PLEKHA1: variants seen among roughly 807,000 people sequenced by gnomAD.
PLEKHA1 encodes pleckstrin homology domain-containing family A member 1.
A neutral mutation model predicts 52.0 loss-of-function variants in PLEKHA1; 34 were observed. That is an observed-to-expected ratio of 0.65 (90% confidence interval 0.50 to 0.87). The LOEUF (loss-of-function observed/expected upper bound fraction) is 0.87. Ranked by LOEUF, PLEKHA1 falls within the 40% of genes least tolerant of loss-of-function variation. PLEKHA1 has a pLI of 0.00. For synonymous variants in PLEKHA1, 163 were observed against 170.7 expected (o/e 0.95, Z 0.35); for missense variants, 497 against 504.2 (o/e 0.99, Z 0.14).
At chr10:122,407,045 C>T (rs992807424) in intron 5 of PLEKHA1, among the ~76,000 whole-genome samples, 1 of 152,128 alleles carries the variant, frequency 6.6e-6, no homozygotes, top group Non-Finnish European at 1.5e-5. Context: ...AGGCACTTCT[C>T]TCTTCTAAGC....
At chr10:122,379,056 A>G (rs2096578448) in intron 1 of PLEKHA1, among the ~76,000 whole-genome samples, 1 of 152,198 alleles carries the variant, frequency 6.6e-6, no homozygotes, top group Non-Finnish European at 1.5e-5. Context: ...CAGTCTACTA[A>G]TAGGCAACCA....
downstream of PLEKHA1, chr10:122,433,695 A>G (rs2097428371): frequency 6.6e-6 from 1 of 152,162 alleles, no homozygotes; most frequent in African/African-American, 2.4e-5. Context: ...GCTGCTACAA[A>G]TGGATGGAAT....
rs1389808537 is a variant in PLEKHA1 at position 122,429,677 on chromosome 10, A to G, written c.954A>G (p.Ala318=). Residue 318 remains alanine, a synonymous_variant, in exon 12 of 12, where the codon GCA becomes GCG. Coordinates refer to ENST00000368990, the MANE Select transcript of PLEKHA1 (RefSeq NM_001001974.4). ...AACACGCTTTCCGTCCTACCAACGC[A>G]GCCACCGCCACCTCACATTCCACAG... The part of the protein sequence containing the change: ...ESKHAFRPTN[A]ATATSHSTAS... The G allele has an allele frequency of 1.2e-6, 2 of 1,614,088 alleles. No homozygotes were observed. Among genetic ancestry groups the G allele is most frequent in the Admixed American group, 1.7e-5 (1 of 60,012 alleles).
intron 1 of PLEKHA1, among the ~76,000 whole-genome samples, chr10:122,384,435 C>T (rs947706884): frequency 4.6e-5 from 7 of 151,414 alleles, no homozygotes; most frequent in Non-Finnish European, 7.4e-5. Flanking sequence ...GGTGAAACCC[C>T]GTCTCTACTA....
chr10:122,433,962 T>C (rs2097429211), downstream of PLEKHA1: 3 of 152,262 alleles, frequency 2.0e-5, no homozygotes, highest in South Asian at 6.2e-4. Flanking sequence ...TTCTGAAATA[T>C]TATTTTCTTA....
chr10:122,392,664 T>A (rs1472051900), intron 1 of PLEKHA1, among the ~76,000 whole-genome samples: 1 of 152,184 alleles, frequency 6.6e-6, no homozygotes, highest in Non-Finnish European at 1.5e-5. Context: ...TTCCCCTGTG[T>A]ATTAAGTTCC....
chr10:122,403,497 C>T (rs537241625), intron 4 of PLEKHA1, among the ~76,000 whole-genome samples: 1 of 152,072 alleles, frequency 6.6e-6, no homozygotes, highest in Non-Finnish European at 1.5e-5. Context: ...AAGTTAAATA[C>T]TCAAGTGGAA....
At chr10:122,383,205 C>T (rs544421611) in intron 1 of PLEKHA1, among the ~76,000 whole-genome samples, 9 of 152,148 alleles carry the variant, frequency 5.9e-5, no homozygotes, top group Non-Finnish European at 8.8e-5. Context: ...AACTACCAAC[C>T]CTGCCACCAG....
rs2097315536 is a variant in PLEKHA1, at chr10:122,424,894, A to C, written c.747-2A>C. 6.2e-7 allele frequency: 1 copy of C among 1,607,326 alleles called. No individual in the cohort carries two copies. ...GTATAATTGGATTTTTTTTTCATAC[A>C]GCGACATAATGATGAGGGACAACCT... On this transcript the variant is annotated splice_acceptor_variant, in intron 9 of 11. Coordinates refer to ENST00000368990, the MANE Select transcript of PLEKHA1 (RefSeq NM_001001974.4). LOFTEE classifies it high-confidence loss of function.
chr10:122,426,827 C>T (rs773497642), intron 10 of PLEKHA1, 115 bp from the exon 11 acceptor site: 96 of 963,298 alleles, frequency 1.0e-4, no homozygotes, highest in Non-Finnish European at 1.3e-4. Flanking sequence ...AAACAGTTGC[C>T]TTAGAGTGAT....
At chr10:122,395,471 A>G (rs1032336200) in intron 2 of PLEKHA1, among the ~76,000 whole-genome samples, 1 of 152,040 alleles carries the variant, frequency 6.6e-6, no homozygotes, top group African/African-American at 2.4e-5. Flanking sequence ...TAAGATTATT[A>G]TATTATTTTC....
At chr10:122,418,222 TAA>T (rs2097206344) in intron 8 of PLEKHA1, 1 of 342,520 alleles carries the variant, frequency 2.9e-6, no homozygotes, top group Non-Finnish European at 5.3e-6. Context: ...CTCTAGTCTA[TAA>T]ATTTCCTCTA....
chr10:122,378,307 C>G (rs2096565873), intron 1 of PLEKHA1, among the ~76,000 whole-genome samples: 1 of 152,324 alleles, frequency 6.6e-6, no homozygotes, highest in East Asian at 1.9e-4. Flanking sequence ...AGAACAAACA[C>G]AAGAGTTTTA....
intron 1 of PLEKHA1, among the ~76,000 whole-genome samples, chr10:122,385,939 A>G (rs1324184304): frequency 6.6e-6 from 1 of 152,218 alleles, no homozygotes; most frequent in Non-Finnish European, 1.5e-5. Flanking sequence ...TAATACTGCT[A>G]TAAACATTTG....
intron 3 of PLEKHA1, among the ~76,000 whole-genome samples, chr10:122,400,066 A>C (rs866338558): frequency 1.3e-5 from 2 of 152,224 alleles, no homozygotes; most frequent in Non-Finnish European, 2.9e-5. Context: ...CATAAAGCCT[A>C]ATGGTTTACT....
chr10:122,385,465 C>T (rs922389944), intron 1 of PLEKHA1, among the ~76,000 whole-genome samples: 3 of 151,928 alleles, frequency 2.0e-5, no homozygotes, highest in African/African-American at 7.3e-5. Context: ...TTAGAGCATG[C>T]ACCACCATGC....
chr10:122,424,171 G>GTTT (rs34058512), intron 8 of PLEKHA1, 28 bp from the exon 9 acceptor site: 25,524 of 918,850 alleles, frequency 0.028, 358 homozygotes, highest in South Asian at 0.041. Flanking sequence ...TCATGTAACT[G>GTTT]TTTTTTTTTT....
chr10:122,414,632 C>G (rs915891880), intron 6 of PLEKHA1, among the ~76,000 whole-genome samples: 1 of 152,130 alleles, frequency 6.6e-6, no homozygotes, highest in Middle Eastern at 3.4e-3. Context: ...TTAGAAAATT[C>G]ATGAACAGAT....
rs777377728 is a variant in PLEKHA1 at position 122,429,694 on chromosome 10, A to G, written c.971A>G (p.His324Arg). ...ACCAACGCAGCCACCGCCACCTCAC[A>G]TTCCACAGCCTCTCGCAGCAACTCT... ...RPTNAATATSHSTASRSNSLV... is the reference protein window; with the variant it reads ...RPTNAATATSRSTASRSNSLV... The change falls in exon 12 of 12, where the codon CAT (histidine) becomes CGT (arginine). Residue 324 changes from histidine to arginine, a missense_variant. Transcript: ENST00000368990. 2 of 1,614,120 alleles carry G rather than the reference A, an allele frequency of 1.2e-6. No homozygotes were observed. The highest frequency in any genetic ancestry group is 3.3e-5 in the Admixed American group (2 of 60,010).
Sources: gnomAD v4.1 joint callset for allele counts (sites outside exome capture counted in the v4.1 genomes callset) on GRCh38, gnomAD v4.1.1 for gene constraint, MANE v1.5 for transcripts, NCBI Gene and HGNC (gene_info 2026-07-23, HGNC 2026-07-21) for gene names.